Variants in SEMA3A observed in about 807,000 individuals in gnomAD.
SEMA3A encodes semaphorin 3A.
SEMA3A carries 29 observed loss-of-function variants against 97.9 expected under a neutral mutation model. The ratio of observed to expected loss-of-function variants is 0.30; its 90% CI spans 0.22 to 0.40. The LOEUF is 0.40. Among genes scored for constraint, SEMA3A ranks in the 10% least tolerant of loss-of-function variants. SEMA3A has a pLI of 1.00. For synonymous variants in SEMA3A, 321 were observed against 323.7 expected (o/e 0.99, Z 0.09); for missense variants, 763 against 951.3 (o/e 0.80, Z 2.60).
chr7:83,980,064 T>C (rs541204538), intron 14 of SEMA3A, among the ~76,000 whole-genome samples: 29 of 152,300 alleles, frequency 1.9e-4, no homozygotes, highest in Non-Finnish European at 3.5e-4. Flanking sequence ...AATAGGTTGA[T>C]ATACATGCTG....
At chr7:83,979,439 A>G (rs1456421568) in intron 14 of SEMA3A, among the ~76,000 whole-genome samples, 1 of 152,128 alleles carries the variant, frequency 6.6e-6, no homozygotes, top group Non-Finnish European at 1.5e-5. Context: ...GCTGAATTCC[A>G]CATTTTAAAG....
chr7:84,187,897 A>C (rs1475241562), intron 1 of SEMA3A, among the ~76,000 whole-genome samples: 1 of 152,156 alleles, frequency 6.6e-6, no homozygotes, highest in Non-Finnish European at 1.5e-5. Context: ...AGAATCTGGC[A>C]CAAGATGATT....
Position 84,358,900 on chromosome 7 carries a change from T to C in SEMA3A, c.-169+12924A>G, listed in dbSNP as rs146784486. ...AGGTATTGTATTCTCTTTGAAGCAA[T>C]TGTGAATGGGAGTTCACTCATGATT... On this transcript the variant is annotated intron_variant, in intron 2 of 3. Coordinates refer to the SEMA3A transcript ENST00000424555. 0.014 allele frequency among the ~76,000 whole-genome samples: 2,207 copies of C among 152,280 alleles called. 92 individuals are homozygous for C. The East Asian group carries it at 0.15, about 10-fold the overall frequency.
At chr7:84,220,535 A>G (rs564563659) in intron 3 of SEMA3A, among the ~76,000 whole-genome samples, 2 of 152,272 alleles carry the variant, frequency 1.3e-5, no homozygotes, top group Admixed American at 6.5e-5. Context: ...GCCTTATGAA[A>G]TGTATTTCTT....
At chr7:84,031,978 TA>T (rs1038204059) in intron 6 of SEMA3A, among the ~76,000 whole-genome samples, 3 of 152,046 alleles carry the variant, frequency 2.0e-5, no homozygotes, top group Non-Finnish European at 4.4e-5. Flanking sequence ...TTATTCAAAA[TA>T]AAAAAAATTG....
intron 12 of SEMA3A, among the ~76,000 whole-genome samples, chr7:83,990,062 T>C (rs1789834280): frequency 6.6e-6 from 1 of 152,030 alleles, no homozygotes; most frequent in Admixed American, 6.6e-5. Context: ...ATTTCTCTGA[T>C]GGCCAGTGAT....
intron 1 of SEMA3A, among the ~76,000 whole-genome samples, chr7:84,449,052 C>G (rs1295173753): frequency 6.6e-6 from 1 of 152,104 alleles, no homozygotes; most frequent in Non-Finnish European, 1.5e-5. Context: ...GGAGAAAAGA[C>G]AGTATTTTCA....
intron 3 of SEMA3A, among the ~76,000 whole-genome samples, chr7:84,280,151 C>A (rs759610571): frequency 2.0e-5 from 3 of 152,124 alleles, no homozygotes; most frequent in Non-Finnish European, 4.4e-5. Context: ...TCCACCCTGG[C>A]CTTCCAAAGT....
At chr7:84,329,227 G>A (rs1801850605) in intron 2 of SEMA3A, among the ~76,000 whole-genome samples, 16 of 151,976 alleles carry the variant, frequency 1.1e-4, no homozygotes, top group Admixed American at 1.1e-3. Context: ...AAAACATTGA[G>A]TGTTCAAGAC....
intron 1 of SEMA3A, among the ~76,000 whole-genome samples, chr7:84,394,993 G>A (rs530547010): frequency 1.2e-4 from 19 of 152,156 alleles, no homozygotes; most frequent in Non-Finnish European, 1.8e-4. Context: ...ATGGCTATTC[G>A]GAGTATAGAA....
chr7:84,328,880 A>G (rs1801837297), intron 2 of SEMA3A, among the ~76,000 whole-genome samples: 1 of 152,066 alleles, frequency 6.6e-6, no homozygotes, highest in African/African-American at 2.4e-5. Context: ...ACAGGGTTAT[A>G]CAAAGTCTCT....
intron 1 of SEMA3A, among the ~76,000 whole-genome samples, chr7:84,386,045 A>G (rs1195906239): frequency 1.3e-5 from 2 of 152,168 alleles, no homozygotes; most frequent in Admixed American, 6.5e-5. Flanking sequence ...AAGATTTTTT[A>G]TTGTATGAAA....
At chr7:84,192,222 TA>T (rs1158496419) in intron 1 of SEMA3A, among the ~76,000 whole-genome samples, 1 of 152,054 alleles carries the variant, frequency 6.6e-6, no homozygotes, top group East Asian at 1.9e-4. Flanking sequence ...GAAGTAGCTT[TA>T]AAAAAATCTC....
intron 12 of SEMA3A, among the ~76,000 whole-genome samples, chr7:83,986,392 C>G (rs1001654017): frequency 2.6e-5 from 4 of 152,156 alleles, no homozygotes; most frequent in Non-Finnish European, 1.5e-5. Context: ...TAACACTCAT[C>G]AATGCACTTC....
chr7:84,395,511 T>C (rs1803705453), intron 1 of SEMA3A, among the ~76,000 whole-genome samples: 1 of 152,136 alleles, frequency 6.6e-6, no homozygotes, highest in African/African-American at 2.4e-5. Context: ...GGTTTGGTTC[T>C]GTGTCCCCAC....
intron 3 of SEMA3A, among the ~76,000 whole-genome samples, chr7:84,211,702 A>G (rs1798632174): frequency 1.3e-5 from 2 of 152,154 alleles, no homozygotes; most frequent in Admixed American, 1.3e-4. Context: ...AGAAAAGAAA[A>G]GGTGTGAATA....
At chr7:84,001,101 T>C (rs10249213) in intron 12 of SEMA3A, among the ~76,000 whole-genome samples, 30,264 of 151,394 alleles carry the variant, frequency 0.2, 3,278 homozygotes, top group Middle Eastern at 0.26. Flanking sequence ...AATATCTCAA[T>C]AGATGTTTGC....
At chr7:84,031,472 A>C (rs895525178) in intron 6 of SEMA3A, among the ~76,000 whole-genome samples, 1 of 152,210 alleles carries the variant, frequency 6.6e-6, no homozygotes, top group Non-Finnish European at 1.5e-5. Context: ...CAAAAACCAA[A>C]CAAACAAAAC....
chr7:84,091,276 A>AAAAG lies in SEMA3A; in HGVS notation c.453+19190_453+19193dup, dbSNP rs751003226. Among the ~76,000 whole-genome samples the AAAAG allele has an allele frequency of 8.2e-4, 111 of 135,178 alleles. 1 individual carries two copies. Among genetic ancestry groups the AAAAG allele is most frequent in the African/African-American group, 2.8e-3 (109 of 39,470 alleles). 88.7% of individuals were successfully genotyped at this position (135,178 alleles called of 152,430 possible). A position where few individuals can be genotyped will look rare whatever the true frequency, so the allele number is the denominator to read the frequency against. ...GAACGAAGGAAAGAGAAAAAGAAAGAAAAGAAAGAAAGAAAGAAAAAGAAA... is the reference window on the plus strand; with the variant it reads ...GAACGAAGGAAAGAGAAAAAGAAAGAAAAGAAAGAAAGAAAGAAAGAAAAAGAAA... On this transcript the variant is annotated intron_variant, in intron 4 of 16. Transcript: ENST00000265362.
Sources: allele counts gnomAD v4.1 joint callset (sites outside exome capture counted in the v4.1 genomes callset), GRCh38; gene constraint gnomAD v4.1.1; transcripts MANE v1.5; gene names NCBI Gene and HGNC (gene_info 2026-07-23, HGNC 2026-07-21).